ASB4: variants seen among roughly 807,000 people sequenced by gnomAD.
The protein encoded by ASB4 is ankyrin repeat and SOCS box containing 4, also known as ankyrin repeat and SOCS box protein 4.
A neutral mutation model predicts 38.6 loss-of-function variants in ASB4; 35 were observed. The ratio of observed to expected loss-of-function variants is 0.91; its 90% CI spans 0.69 to 1.20. ASB4 has a LOEUF of 1.20. ASB4 is among the 50% of genes most tolerant of loss of function. ASB4 has a pLI of 0.00. For synonymous variants in ASB4, 195 were observed against 201.3 expected (o/e 0.97, Z 0.26); for missense variants, 557 against 527.2 (o/e 1.06, Z -0.55).
chr7:95,489,526 T>C (rs764753113), intron 1 of ASB4, among the ~76,000 whole-genome samples: 14 of 152,198 alleles, frequency 9.2e-5, no homozygotes, highest in Non-Finnish European at 1.8e-4. Context: ...GCAGATGAAA[T>C]CATGTTTTAT....
chr7:95,482,232 T>C (rs1030075678), upstream of ASB4, among the ~76,000 whole-genome samples: 5 of 152,222 alleles, frequency 3.3e-5, no homozygotes, highest in Admixed American at 6.5e-5. Flanking sequence ...ATTTGCTTTG[T>C]TTGTTTTCTT....
intron 2 of ASB4, among the ~76,000 whole-genome samples, chr7:95,499,184 A>C (rs781178629): frequency 6.6e-6 from 1 of 152,166 alleles, no homozygotes; most frequent in South Asian, 2.1e-4. Flanking sequence ...AGATTTCAGA[A>C]CAGAGCCCTG....
chr7:95,533,166 C>G (rs1790841513), intron 3 of ASB4, among the ~76,000 whole-genome samples: 2 of 152,150 alleles, frequency 1.3e-5, no homozygotes, highest in Admixed American at 1.3e-4. Context: ...GTAATAAACT[C>G]TGTCTGCCAG....
At chr7:95,520,754 C>T (rs1790651045) in intron 2 of ASB4, among the ~76,000 whole-genome samples, 1 of 151,970 alleles carries the variant, frequency 6.6e-6, no homozygotes, top group Admixed American at 6.6e-5. Flanking sequence ...ACTGCCACAC[C>T]TGTCATTACA....
intron 1 of ASB4, among the ~76,000 whole-genome samples, chr7:95,488,147 C>G (rs909617144): frequency 6.6e-6 from 1 of 152,190 alleles, no homozygotes; most frequent in African/African-American, 2.4e-5. Flanking sequence ...AGAGACCATC[C>G]TGCCTAACAC....
At chr7:95,505,764 T>C (rs1414733783) in intron 2 of ASB4, among the ~76,000 whole-genome samples, 1 of 147,084 alleles carries the variant, frequency 6.8e-6, no homozygotes, top group Non-Finnish European at 1.5e-5. Context: ...TGGTCAACTA[T>C]GATAGTTTCT....
chr7:95,530,203 G>A (rs546867225), intron 3 of ASB4, among the ~76,000 whole-genome samples: 29 of 151,884 alleles, frequency 1.9e-4, no homozygotes, highest in African/African-American at 6.5e-4. Flanking sequence ...GCTCACCCCT[G>A]TAATCCTAGC....
intron 3 of ASB4, among the ~76,000 whole-genome samples, chr7:95,530,451 C>A (rs112535560): frequency 0.031 from 4,708 of 152,034 alleles, 246 homozygotes; most frequent in African/African-American, 0.11. Flanking sequence ...GGTGACAGAG[C>A]GAGACTCTGT....
intron 3 of ASB4, among the ~76,000 whole-genome samples, chr7:95,536,223 T>G (rs571611661): frequency 3.5e-5 from 5 of 141,388 alleles, no homozygotes; most frequent in Admixed American, 7.6e-5. Flanking sequence ...TGGGTTCTGG[T>G]TTTTTTTTTA....
the ASB4 span, among the ~76,000 whole-genome samples, chr7:95,471,125 T>A: frequency 6.6e-6 from 1 of 152,194 alleles, no homozygotes; most frequent in Non-Finnish European, 1.5e-5. Flanking sequence ...AAGTGTGTTT[T>A]CTAATGTCCA....
rs1790923518 is a variant in ASB4 at position 95,538,279 on chromosome 7, G to A, written c.*520G>A. On this transcript the variant is annotated 3_prime_UTR_variant, in exon 5 of 5. Coordinates refer to ENST00000325885, the MANE Select transcript of ASB4 (RefSeq NM_016116.3). ...AGCTACTCAAGTTTATTTCAGTGAT[G>A]AAGGCATATGAGCATAGTCAAAACA... 6.6e-6 allele frequency: 1 copy of A among 152,608 alleles called. No homozygotes were observed. The highest frequency in any genetic ancestry group is 1.5e-5 in the Non-Finnish European group (1 of 68,308). The allele number at this position is 152,608 out of a possible 1,614,324, so 9.5% of individuals were successfully genotyped here. A position where few individuals can be genotyped will look rare whatever the true frequency, so the allele number is the denominator to read the frequency against.
chr7:95,485,931 T>C, upstream of ASB4: 9 of 1,591,986 alleles, frequency 5.7e-6, no homozygotes, highest in Non-Finnish European at 7.7e-6. Context: ...GGTGCTGTTC[T>C]CTCGATAAAT....
Position 95,513,253 on chromosome 7 carries a change from GTTTT to G in ASB4, c.488-14542_488-14539del, listed in dbSNP as rs536945120. ...TCAGGGTTTTTTTTGTTTTTTGTTT[GTTTT>G]TTTTTTTTTTTTTTTTTAGAAATCG... On this transcript the variant is annotated intron_variant, in intron 2 of 4. Coordinates refer to ENST00000325885, the MANE Select transcript of ASB4 (RefSeq NM_016116.3). Among the ~76,000 whole-genome samples, 8 of 77,040 alleles carry G rather than the reference GTTTT, an allele frequency of 1.0e-4. No homozygotes were observed. In the South Asian group the frequency reaches 3.4e-3, roughly 32 times the overall value. The allele number at this position is 77,040 out of a possible 152,430, so 50.5% of individuals were successfully genotyped here.
intron 1 of ASB4, among the ~76,000 whole-genome samples, chr7:95,488,073 G>T (rs991879513): frequency 6.6e-6 from 1 of 152,226 alleles, no homozygotes; most frequent in African/African-American, 2.4e-5. Flanking sequence ...CGGGAGTGGT[G>T]GCTCACGCCT....
chr7:95,503,301 T>C (rs576845571), intron 2 of ASB4, among the ~76,000 whole-genome samples: 13 of 152,316 alleles, frequency 8.5e-5, no homozygotes, highest in African/African-American at 3.1e-4. Flanking sequence ...GAGGAGAAAG[T>C]AAGTGTTTTG....
Position 95,539,580 on chromosome 7 carries a change from CA to C in ASB4, c.*1822del, listed in dbSNP as rs1790942268. On this transcript the variant is annotated 3_prime_UTR_variant, in exon 5 of 5. Coordinates refer to ENST00000325885, the MANE Select transcript of ASB4 (RefSeq NM_016116.3). ...AAACAGAATGAAATGATGTCTTTTG[CA>C]GCAACTTGGATGGAGCTGGAGGCCA... 6.3e-6 allele frequency: 1 copy of C among 159,042 alleles called. No homozygotes were observed. Among genetic ancestry groups the C allele is most frequent in the African/African-American group, 2.4e-5 (1 of 41,554 alleles). 9.9% of individuals were successfully genotyped at this position (159,042 alleles called of 1,614,324 possible).
At chr7:95,551,178 G>C in the ASB4 span, among the ~76,000 whole-genome samples, 1 of 152,084 alleles carries the variant, frequency 6.6e-6, no homozygotes, top group Non-Finnish European at 1.5e-5. Context: ...ACACGGTTTT[G>C]CCTTATTGGC....
rs745495163 is a variant in ASB4, at chr7:95,536,403, A to C, written c.979-34A>C. 1.6e-5 allele frequency: 22 copies of C among 1,357,918 alleles called. No homozygotes were observed. The South Asian group carries it at 2.5e-4, about 15-fold the overall frequency. The allele number at this position is 1,357,918 out of a possible 1,614,324, so 84.1% of individuals were successfully genotyped here. A position where few individuals can be genotyped will look rare whatever the true frequency, so the allele number is the denominator to read the frequency against. Reference sequence around the variant, plus strand: ...CAGAATGAATGAACCATATATGTGCATCAAACAGATGAAACTCTGTGCTTC... The same window carrying C: ...CAGAATGAATGAACCATATATGTGCCTCAAACAGATGAAACTCTGTGCTTC... On this transcript the variant is annotated intron_variant, in intron 3 of 4. Coordinates refer to ENST00000325885, the MANE Select transcript of ASB4 (RefSeq NM_016116.3).
chr7:95,530,232 G>A (rs1276872492), intron 3 of ASB4, among the ~76,000 whole-genome samples: 1 of 151,822 alleles, frequency 6.6e-6, no homozygotes, highest in Non-Finnish European at 1.5e-5. Flanking sequence ...AGGCTGAGGC[G>A]GGCGGATTGC....
Sources: gnomAD v4.1 joint callset for allele counts (sites outside exome capture counted in the v4.1 genomes callset) on GRCh38, gnomAD v4.1.1 for gene constraint, MANE v1.5 for transcripts, NCBI Gene and HGNC (gene_info 2026-07-23, HGNC 2026-07-21) for gene names.